The following ATCAY variants were observed in gnomAD, a reference collection of about 807,000 sequenced individuals.
ATCAY encodes ATCAY kinesin light chain interacting caytaxin.
ATCAY carries 22 observed loss-of-function variants against 47.7 expected under a neutral mutation model. The ratio of observed to expected loss-of-function variants is 0.46; its 90% CI spans 0.33 to 0.66. The LOEUF (loss-of-function observed/expected upper bound fraction) is 0.66, where lower values mean the gene tolerates loss of function less well. ATCAY is among the 30% of genes least tolerant of loss of function. ATCAY has a pLI of 0.02. For missense variants in ATCAY, 452 were observed against 515.0 expected (o/e 0.88, Z 1.18); for synonymous variants, 216 against 207.6 (o/e 1.04, Z -0.35).
intron 2 of ATCAY, among the ~76,000 whole-genome samples, chr19:3,897,987 A>C (rs1294392411): frequency 1.3e-5 from 2 of 152,150 alleles, no homozygotes; most frequent in African/African-American, 2.4e-5. Context: ...TCATCATTTT[A>C]AAGTTCATGA....
chr19:3,885,983 C>CAGAGTGTGCGGGAGA, intron 2 of ATCAY, 139 bp downstream of exon 2: 2 of 799,982 alleles, frequency 2.5e-6, no homozygotes, highest in Non-Finnish European at 4.2e-6. Context: ...CCTCCTCTCC[C>CAGAGTGTGCGGGAGA]GCACACTCTG....
chr19:3,914,827 A>G (rs572912804), intron 9 of ATCAY, among the ~76,000 whole-genome samples: 53 of 151,296 alleles, frequency 3.5e-4, no homozygotes, highest in African/African-American at 1.3e-3. Context: ...GTCTCAAGAA[A>G]AAAAAAAAAA....
At chr19:3,888,852 G>A (rs918905043) in intron 2 of ATCAY, among the ~76,000 whole-genome samples, 3 of 152,144 alleles carry the variant, frequency 2.0e-5, no homozygotes, top group East Asian at 1.9e-4. Context: ...TGTTGAAGAC[G>A]GCATCTTGAT....
chr19:3,913,799 A>T lies in ATCAY; in HGVS notation c.908A>T (p.Glu303Val), dbSNP rs2038942462. Residue 303 changes from glutamate to valine, a missense_variant, in exon 9 of 13, where the codon GAA (glutamate) becomes GTA (valine). Transcript: ENST00000450849. ...AAGATCCAGTACGTGCACAGCTTGG[A>T]AGACCTGGAGCAACTCATCCCTATG... ...INKIQYVHSL[E>V]DLEQLIPMEH... 1 of 1,613,832 alleles carries T rather than the reference A, an allele frequency of 6.2e-7. No individual in the cohort carries two copies. The highest frequency in any genetic ancestry group is 8.5e-7 in the Non-Finnish European group (1 of 1,179,856).
chr19:3,912,181 T>C (rs1423185877), intron 8 of ATCAY, among the ~76,000 whole-genome samples: 2 of 152,144 alleles, frequency 1.3e-5, no homozygotes, highest in South Asian at 4.1e-4. Flanking sequence ...CCAATAATTC[T>C]GTCACTCTTC....
intron 2 of ATCAY, among the ~76,000 whole-genome samples, chr19:3,902,129 A>G (rs2038820842): frequency 6.6e-6 from 1 of 152,148 alleles, no homozygotes; most frequent in Non-Finnish European, 1.5e-5. Flanking sequence ...CCTGGGCAAC[A>G]TAGTGAGACC....
In ATCAY at chr19:3,915,713, G is replaced by C. The variant is rs544470852; in HGVS notation, c.965+1857G>C. 4.0e-5 allele frequency among the ~76,000 whole-genome samples: 5 copies of C among 123,586 alleles called. No homozygotes were observed. In the South Asian group the frequency reaches 1.5e-3, roughly 38 times the overall value. The allele number at this position is 123,586 out of a possible 152,430, so 81.1% of individuals were successfully genotyped here. A position where few individuals can be genotyped will look rare whatever the true frequency, so the allele number is the denominator to read the frequency against. On this transcript the variant is annotated intron_variant, in intron 9 of 12. Transcript: ENST00000450849. ...ATTAAGGCACCCACCACCATGCCCA[G>C]CTAATTTTTTTTTTTTTTTTTTTTG...
chr19:3,891,262 G>C (rs1435836829), intron 2 of ATCAY, among the ~76,000 whole-genome samples: 1 of 151,990 alleles, frequency 6.6e-6, no homozygotes, highest in Non-Finnish European at 1.5e-5. Flanking sequence ...ATGTTGGCCA[G>C]GCTGGTCTCG....
intron 4 of ATCAY, among the ~76,000 whole-genome samples, chr19:3,906,152 C>A (rs1265247618): frequency 7.3e-6 from 1 of 136,460 alleles, no homozygotes; most frequent in Non-Finnish European, 1.5e-5. Context: ...GCCTGGGCGA[C>A]AGAGCGAGAC....
At chr19:3,890,779 C>T (rs2038711466) in intron 2 of ATCAY, among the ~76,000 whole-genome samples, 1 of 152,222 alleles carries the variant, frequency 6.6e-6, no homozygotes, top group Non-Finnish European at 1.5e-5. Flanking sequence ...AGTGGCCTCG[C>T]TGTGCCAGCC....
chr19:3,903,236 A>G (rs2038830153), intron 3 of ATCAY, among the ~76,000 whole-genome samples: 1 of 151,100 alleles, frequency 6.6e-6, no homozygotes. Flanking sequence ...AGCCTCCCAA[A>G]GTGCTGGGAT....
chr19:3,895,716 C>CTTTTTTTTTTT (rs537910730), intron 2 of ATCAY, among the ~76,000 whole-genome samples: 32 of 129,628 alleles, frequency 2.5e-4, no homozygotes, highest in East Asian at 4.5e-4. Context: ...CTTTTCTTTT[C>CTTTTTTTTTTT]TTTTTTTTTT....
At chr19:3,905,189 A>G (rs1599287184) in intron 3 of ATCAY, among the ~76,000 whole-genome samples, 1 of 152,090 alleles carries the variant, frequency 6.6e-6, no homozygotes, top group African/African-American at 2.4e-5. Context: ...TGTCTGCCCA[A>G]TGTCCAAGCA....
intron 8 of ATCAY, among the ~76,000 whole-genome samples, chr19:3,911,811 CG>C (rs2038924629): frequency 6.6e-6 from 1 of 152,060 alleles, no homozygotes. Context: ...GCGAAAGAGA[CG>C]AGGGCTTCAC....
rs534604841 is a variant in ATCAY, at chr19:3,903,335, G to C, written c.136+790G>C. Among the ~76,000 whole-genome samples, 5 of 152,190 alleles carry C rather than the reference G, an allele frequency of 3.3e-5. No individual in the cohort carries two copies. The East Asian group carries it at 9.7e-4, about 30-fold the overall frequency. Reference sequence around the variant, plus strand: ...ATCAGGCTCTGAAGCCCCAGATCCCGGGGATGGGAGTCCTGGGCGGCCAGA... The same window carrying C: ...ATCAGGCTCTGAAGCCCCAGATCCCCGGGATGGGAGTCCTGGGCGGCCAGA... On this transcript the variant is annotated intron_variant, in intron 3 of 12. Coordinates refer to ENST00000450849, the MANE Select transcript of ATCAY (RefSeq NM_033064.5).
chr19:3,901,487 GTC>G (rs1273180588), intron 2 of ATCAY, among the ~76,000 whole-genome samples: 2 of 151,934 alleles, frequency 1.3e-5, no homozygotes, highest in African/African-American at 4.8e-5. Context: ...GCATTTGAGA[GTC>G]AACAACTCAT....
intron 2 of ATCAY, among the ~76,000 whole-genome samples, chr19:3,886,463 G>A (rs555375501): frequency 7.9e-5 from 12 of 151,948 alleles, no homozygotes; most frequent in Admixed American, 5.9e-4. Context: ...TGTGGCAGGC[G>A]CCTGTAGTCC....
intron 3 of ATCAY, 139 bp downstream of exon 3, chr19:3,902,684 G>A: frequency 4.3e-6 from 4 of 927,836 alleles, no homozygotes; most frequent in Non-Finnish European, 6.5e-6. Flanking sequence ...TATGGTGGAA[G>A]TGGCCGTGGT....
intron 3 of ATCAY, among the ~76,000 whole-genome samples, chr19:3,903,939 CCA>C (rs2038837497): frequency 2.7e-5 from 4 of 147,560 alleles, no homozygotes; most frequent in African/African-American, 1.0e-4. Context: ...GAGTTTGAGA[CCA>C]ACCTGGCCAA....
Sources: gnomAD v4.1 joint callset for allele counts (sites outside exome capture counted in the v4.1 genomes callset) on GRCh38, gnomAD v4.1.1 for gene constraint, MANE v1.5 for transcripts, NCBI Gene and HGNC (gene_info 2026-07-23, HGNC 2026-07-21) for gene names.